Variants in UACA observed in about 807,000 individuals in gnomAD.
UACA encodes nuclear membrane binding protein.
UACA carries 112 observed loss-of-function variants against 160.5 expected under a neutral mutation model. The observed-to-expected ratio is 0.70, with a 90% CI of 0.60 to 0.82. The LOEUF (loss-of-function observed/expected upper bound fraction) is 0.82, where lower values mean the gene tolerates loss of function less well. UACA is among the 40% of genes least tolerant of loss of function. The pLI is 0.00. For missense variants in UACA, 1,574 were observed against 1,614.6 expected (o/e 0.97, Z 0.43); for synonymous variants, 557 against 568.4 (o/e 0.98, Z 0.29).
rs1257749507 is a variant in UACA at position 70,667,674 on chromosome 15, C to A, written c.3010G>T (p.Glu1004Ter). The A allele has an allele frequency of 6.2e-7, 1 of 1,613,314 alleles. No homozygotes were observed. The highest frequency in any genetic ancestry group is 1.3e-5 in the African/African-American group (1 of 74,878). ...CERKFKATEK[E>*]LKDQLSEQTQ... ...TGCTCTGATAACTGGTCTTTTAGTTCTTTCTCTGTTGCTTTAAATTTTCTC... is the reference window on the plus strand; with the variant it reads ...TGCTCTGATAACTGGTCTTTTAGTTATTTCTCTGTTGCTTTAAATTTTCTC... The change falls in exon 16 of 19, where the codon GAA (glutamate) becomes TAA (stop). Residue 1004 changes from glutamate (E) to a stop codon, truncating the protein, a stop_gained. Coordinates refer to ENST00000322954, the MANE Select transcript of UACA (RefSeq NM_018003.4). LOFTEE classifies it high-confidence loss of function.
intron 1 of UACA, among the ~76,000 whole-genome samples, chr15:70,728,435 T>C (rs1161512755): frequency 6.6e-6 from 1 of 151,636 alleles, no homozygotes; most frequent in African/African-American, 2.4e-5. Flanking sequence ...TGGTGGTGCA[T>C]GCCTGTAACC....
rs201475729 is a variant in UACA at position 70,680,579 on chromosome 15, A to AT, written c.823-904dup. Among the ~76,000 whole-genome samples the AT allele has an allele frequency of 7.9e-3, 1,204 of 152,302 alleles. 13 individuals carry two copies. Among genetic ancestry groups the AT allele is most frequent in the African/African-American group, 0.027 (1,140 of 41,550 alleles). ...TGGCCCTAACTATGTTTACAGCCTC[A>AT]TTCCTTCTACCAAAGGACTGTTCTT... On this transcript the variant is annotated intron_variant, in intron 9 of 18. Transcript: ENST00000322954.
chr15:70,669,354 T>C lies in UACA; in HGVS notation c.1330A>G (p.Lys444Glu). 1 of 1,614,064 alleles carries C rather than the reference T, an allele frequency of 6.2e-7. No homozygotes were observed. Among genetic ancestry groups the C allele is most frequent in the Non-Finnish European group, 8.5e-7 (1 of 1,179,980 alleles). ...AAAGTTCGCATTGCTTCTAACTCTTTCTTTAAAATTTCATTTTCAGAGTAT... is the reference window on the plus strand; with the variant it reads ...AAAGTTCGCATTGCTTCTAACTCTTCCTTTAAAATTTCATTTTCAGAGTAT... ...TSYSENEILK[K>E]ELEAMRTFCE... Residue 444 changes from lysine (K) to glutamate (E), a missense_variant, in exon 16 of 19, where the codon AAA (lysine) becomes GAA (glutamate). Lys to Glu is a moderately conservative substitution (Grantham distance 56). Coordinates refer to ENST00000322954, the MANE Select transcript of UACA (RefSeq NM_018003.4).
chr15:70,691,656 A>G lies in UACA; in HGVS notation c.302-293T>C, dbSNP rs562350241. Among the ~76,000 whole-genome samples the G allele has an allele frequency of 3.3e-5, 5 of 152,320 alleles. No homozygotes were observed. In the East Asian group the frequency reaches 7.7e-4, roughly 23 times the overall value. On this transcript the variant is annotated intron_variant, in intron 3 of 18. Coordinates refer to ENST00000322954, the MANE Select transcript of UACA (RefSeq NM_018003.4). ...GCATGTAGAACAGTACCTAAAACAC[A>G]GCAGATAATTAAATACTGGCACAGA...
chr15:70,677,511 G>A (rs961684180), intron 11 of UACA, among the ~76,000 whole-genome samples: 4 of 151,984 alleles, frequency 2.6e-5, no homozygotes, highest in African/African-American at 7.3e-5. Flanking sequence ...AAAGTGATAC[G>A]GAAAATTAGA....
At chr15:70,705,226 T>G (rs1042487007) in intron 1 of UACA, among the ~76,000 whole-genome samples, 2 of 114,188 alleles carry the variant, frequency 1.8e-5, no homozygotes, top group African/African-American at 4.1e-5. Context: ...AAAACACTCT[T>G]TAAAAAATTA....
chr15:70,777,214 G>A, the UACA span, among the ~76,000 whole-genome samples: 3 of 152,178 alleles, frequency 2.0e-5, no homozygotes, highest in South Asian at 6.2e-4. Flanking sequence ...ACTGAGATGG[G>A]GAAGGCTGTG....
rs917439953 is a variant in UACA, at chr15:70,654,603, A to T, written c.*2453T>A. The T allele has an allele frequency of 2.0e-5, 3 of 152,122 alleles. No individual in the cohort carries two copies. The highest frequency in any genetic ancestry group is 2.9e-5 in the Non-Finnish European group (2 of 68,024). 9.4% of individuals were successfully genotyped at this position (152,122 alleles called of 1,614,324 possible). On this transcript the variant is annotated 3_prime_UTR_variant, in exon 19 of 19. Coordinates refer to ENST00000322954, the MANE Select transcript of UACA (RefSeq NM_018003.4). ...ATTTCAAAAGACAATTATTTATAAC[A>T]CTGACCCTCTATCAAAAAGAATATG...
At position 70,680,829 on chromosome 15, in the gene UACA, G is replaced by A. The variant is rs1008310269; in HGVS notation, c.823-1153C>T. On this transcript the variant is annotated intron_variant, in intron 9 of 18. Transcript: ENST00000322954. ...CTCCACTTAGCAGCGATCTGATCACGTGCACCACTGATTGGGGTGCACACG... is the reference window on the plus strand; with the variant it reads ...CTCCACTTAGCAGCGATCTGATCACATGCACCACTGATTGGGGTGCACACG... 5.3e-5 allele frequency among the ~76,000 whole-genome samples: 8 copies of A among 152,258 alleles called. 1 individual carries two copies. The South Asian group carries it at 8.3e-4, about 16-fold the overall frequency.
chr15:70,657,585 ACC>A (rs781421306), intron 18 of UACA, among the ~76,000 whole-genome samples: 1 of 152,094 alleles, frequency 6.6e-6, no homozygotes, highest in Non-Finnish European at 1.5e-5. Context: ...ACATGGCGAG[ACC>A]CCATCTGAAA....
the UACA span, among the ~76,000 whole-genome samples, chr15:70,774,545 C>CAAAAAAAAAAAAAAAA: frequency 4.9e-5 from 4 of 82,444 alleles, no homozygotes; most frequent in African/African-American, 2.3e-4. Context: ...GACTCTGTCT[C>CAAAAAAAAAAAAAAAA]AAAAAAAAAA....
At chr15:70,690,057 T>C (rs868808070) in intron 5 of UACA, among the ~76,000 whole-genome samples, 1 of 152,266 alleles carries the variant, frequency 6.6e-6, no homozygotes, top group African/African-American at 2.4e-5. Flanking sequence ...TCAGACATGT[T>C]AATTAGGTAA....
intron 1 of UACA, among the ~76,000 whole-genome samples, chr15:70,717,319 C>G (rs1464160494): frequency 2.0e-5 from 3 of 152,170 alleles, no homozygotes; most frequent in African/African-American, 7.2e-5. Flanking sequence ...TGGACCATAA[C>G]AGAGCAAGAA....
intron 1 of UACA, among the ~76,000 whole-genome samples, chr15:70,704,687 C>A (rs1898474489): frequency 2.0e-5 from 3 of 152,184 alleles, no homozygotes; most frequent in African/African-American, 7.2e-5. Flanking sequence ...ATGATCTCAG[C>A]ACCATGCATG....
chr15:70,687,808 C>T lies in UACA; in HGVS notation c.437G>A (p.Cys146Tyr). The part of the protein sequence containing the change: ...TALHDAAMAD[C>Y]PSSIQLLCDH... ...ACAAAGCAGCTGTATGCTAGAAGGA[C>T]AATCTGCCATTGCTTTAAGGAACAA... Residue 146 changes from cysteine to tyrosine, a missense_variant, in exon 6 of 19, where the codon TGT (cysteine) becomes TAT (tyrosine). Coordinates refer to ENST00000322954, the MANE Select transcript of UACA (RefSeq NM_018003.4). The T allele has an allele frequency of 6.2e-7, 1 of 1,613,674 alleles. No homozygotes were observed. The highest frequency in any genetic ancestry group is 1.1e-5 in the South Asian group (1 of 91,064).
At chr15:70,777,536 C>T in the UACA span, among the ~76,000 whole-genome samples, 134 of 152,050 alleles carry the variant, frequency 8.8e-4, 1 homozygote, top group Non-Finnish European at 1.5e-3. Context: ...TGCCATACAA[C>T]GAAGAAAAAG....
chr15:70,687,720 T>A, intron 6 of UACA, 30 bp downstream of exon 6: 1 of 1,613,428 alleles, frequency 6.2e-7, no homozygotes, highest in East Asian at 2.2e-5. Context: ...ATGCATGAGT[T>A]GAAATGAGAA....
rs1896946489 is a variant in UACA, at chr15:70,667,221, A to G, written c.3463T>C (p.Leu1155=). The change falls in exon 16 of 19, where the codon TTG becomes CTG. Residue 1155 remains leucine, a synonymous_variant. Coordinates refer to ENST00000322954, the MANE Select transcript of UACA (RefSeq NM_018003.4). Reference sequence around the variant, plus strand: ...GAAGAGTTCTTTTGATTCTCCAACAATTGATGCAGTTTGGTCACTGTCTGC... The same window carrying G: ...GAAGAGTTCTTTTGATTCTCCAACAGTTGATGCAGTTTGGTCACTGTCTGC... ...EQQTVTKLHQ[L]LENQKNSSVP... 1.2e-6 allele frequency: 2 copies of G among 1,613,776 alleles called. No homozygotes were observed. The highest frequency in any genetic ancestry group is 1.7e-6 in the Non-Finnish European group (2 of 1,179,950).
At chr15:70,771,984 C>T in the UACA span, among the ~76,000 whole-genome samples, 1 of 152,122 alleles carries the variant, frequency 6.6e-6, no homozygotes, top group African/African-American at 2.4e-5. Flanking sequence ...AGAAGGATTT[C>T]GAATTGTGTT....
Sources: gnomAD v4.1 joint callset for allele counts (sites outside exome capture counted in the v4.1 genomes callset) on GRCh38, gnomAD v4.1.1 for gene constraint, MANE v1.5 for transcripts, NCBI Gene and HGNC (gene_info 2026-07-23, HGNC 2026-07-21) for gene names.